The following NCOA3 variants were observed in gnomAD, a reference collection of about 807,000 sequenced individuals.
The protein encoded by NCOA3 is CBP-interacting protein.
Under a neutral mutation model 158.8 loss-of-function variants are expected in NCOA3, and 51 were observed. That is an observed-to-expected ratio of 0.32 (90% CI 0.26 to 0.41). The LOEUF (loss-of-function observed/expected upper bound fraction) is 0.41. NCOA3 is among the 10% of genes least tolerant of loss of function. The pLI is 1.00. For missense variants in NCOA3, 1,510 were observed against 1,746.6 expected (o/e 0.86, Z 2.41); for synonymous variants, 537 against 592.4 (o/e 0.91, Z 1.36).
intron 1 of NCOA3, among the ~76,000 whole-genome samples, chr20:47,570,183 G>C (rs2085269242): frequency 6.6e-6 from 1 of 152,156 alleles, no homozygotes; most frequent in Admixed American, 6.5e-5. Context: ...TTAAGGCTGG[G>C]TGTGGTGGCT....
Position 47,627,182 on chromosome 20 carries a change from C to T in NCOA3, c.532+6C>T, listed in dbSNP as rs1473125618. On this transcript the variant is annotated splice_donor_region_variant and intron_variant, in intron 6 of 22. Coordinates refer to ENST00000371998, the MANE Select transcript of NCOA3 (RefSeq NM_181659.3). ...GAATTTACCAAAATCTACAGGTAGGCTTTTAATGTGTATTTTCTAAATAGG... is the reference window on the plus strand; with the variant it reads ...GAATTTACCAAAATCTACAGGTAGGTTTTTAATGTGTATTTTCTAAATAGG... 8 of 1,575,318 alleles carry T rather than the reference C, an allele frequency of 5.1e-6. No homozygotes were observed. The highest frequency in any genetic ancestry group is 6.0e-6 in the Non-Finnish European group (7 of 1,160,448).
intron 18 of NCOA3, among the ~76,000 whole-genome samples, chr20:47,648,034 C>A (rs1016892163): frequency 1.6e-4 from 25 of 151,574 alleles, no homozygotes; most frequent in African/African-American, 5.8e-4. Flanking sequence ...CATGCCTCAG[C>A]CTCCCGAGTA....
In NCOA3 at chr20:47,642,249, G is replaced by T. The variant is rs1202029597; in HGVS notation, c.3117G>T (p.Gly1039=). The change falls in exon 17 of 23, where the codon GGG becomes GGT. Residue 1039 remains glycine, a synonymous_variant. Transcript: ENST00000371998. ...GGAATTCCCTGGATGATCTTGTTGG[G>T]CCACCTTCCAACCTGGAAGGCCAGA... is the stretch of plus-strand genomic sequence containing the variant. ...LLRNSLDDLV[G]PPSNLEGQSD... 1.2e-6 allele frequency: 2 copies of T among 1,605,986 alleles called. No individual in the cohort carries two copies. Among genetic ancestry groups the T allele is most frequent in the Non-Finnish European group, 8.5e-7 (1 of 1,177,346 alleles).
chr20:47,632,144 C>T (rs2086428651), intron 8 of NCOA3, among the ~76,000 whole-genome samples: 1 of 152,172 alleles, frequency 6.6e-6, no homozygotes, highest in Non-Finnish European at 1.5e-5. Context: ...TGATCCTCTC[C>T]TTAGGTTTGA....
Position 47,651,239 on chromosome 20 carries a change from A to G in NCOA3, c.3909A>G (p.Gln1303=), listed in dbSNP as rs372630973. The stretch of plus-strand genomic sequence containing the variant: ...TTTTGGCAGGACCCACAATGCCACA[A>G]GCTCCTCCGCAACAGTTTCCATATC... The part of the protein sequence containing the change: ...DGLLAGPTMP[Q]APPQQFPYQP... The change falls in exon 20 of 23, where the codon CAA becomes CAG. Residue 1303 remains glutamine, a synonymous_variant. Coordinates refer to ENST00000371998, the MANE Select transcript of NCOA3 (RefSeq NM_181659.3). The G allele has an allele frequency of 1.6e-5, 26 of 1,612,840 alleles. No homozygotes were observed. Among genetic ancestry groups the G allele is most frequent in the Non-Finnish European group, 2.0e-5 (24 of 1,178,992 alleles).
chr20:47,514,928 A>G lies in NCOA3; in HGVS notation c.-99+12909A>G, dbSNP rs188338641. 1.5e-3 allele frequency among the ~76,000 whole-genome samples: 224 copies of G among 150,710 alleles called. 2 individuals are homozygous for G. Among genetic ancestry groups the G allele is most frequent in the African/African-American group, 5.1e-3 (210 of 41,144 alleles). ...TTGAACTCGTGACTTTAGGTGATGC[A>G]CTTGCCTCAGCCTCCCAAAGTGCTG... On this transcript the variant is annotated intron_variant, in intron 1 of 22. Transcript: ENST00000371998.
chr20:47,584,471 T>G (rs989695305), intron 2 of NCOA3, among the ~76,000 whole-genome samples: 4 of 151,882 alleles, frequency 2.6e-5, no homozygotes, highest in Non-Finnish European at 5.9e-5. Context: ...AATACAAAAA[T>G]TAGCCGGGCA....
Position 47,651,113 on chromosome 20 carries a change from G to GCAA in NCOA3, c.3785_3786insACA (p.Gln1276dup). 2 of 1,592,636 alleles carry GCAA rather than the reference G, an allele frequency of 1.3e-6. No individual in the cohort carries two copies. The highest frequency in any genetic ancestry group is 2.2e-5 in the South Asian group (2 of 89,730). On this transcript the variant is annotated inframe_insertion, in exon 20 of 23. Transcript: ENST00000371998. ...AGCAACAGCAGCAGCAGCAGCAGCA[G>GCAA]CAGCAGCAACAGCAACAGCAACAGC...
chr20:47,617,664 C>T (rs1164731122), intron 2 of NCOA3, among the ~76,000 whole-genome samples: 2 of 152,020 alleles, frequency 1.3e-5, no homozygotes, highest in African/African-American at 2.4e-5. Context: ...GAAAACTGTA[C>T]CTGAAGGGTT....
At chr20:47,633,923 G>T (rs1746000813) in intron 9 of NCOA3, 125 bp from the exon 10 acceptor site, 2 of 1,245,996 alleles carry the variant, frequency 1.6e-6, no homozygotes, top group Non-Finnish European at 2.2e-6. Flanking sequence ...GATGATTTTG[G>T]TGCAGATCCA....
intron 2 of NCOA3, among the ~76,000 whole-genome samples, chr20:47,611,518 G>A (rs948282086): frequency 5.9e-5 from 9 of 152,114 alleles, no homozygotes; most frequent in African/African-American, 1.9e-4. Context: ...TCTCCTCCTC[G>A]GCCGGGCTCA....
intron 9 of NCOA3, among the ~76,000 whole-genome samples, 191 bp from the exon 10 acceptor site, chr20:47,633,857 C>G (rs1023983313): frequency 3.9e-5 from 6 of 152,082 alleles, no homozygotes; most frequent in African/African-American, 1.4e-4. Context: ...TGTAGTTGCT[C>G]TCTTGTTGGT....
chr20:47,647,914 G>GTTTTTTTT (rs1445300112), intron 18 of NCOA3, among the ~76,000 whole-genome samples: 1 of 126,050 alleles, frequency 7.9e-6, no homozygotes, highest in Non-Finnish European at 1.7e-5. Context: ...TGTTTGTTTT[G>GTTTTTTTT]TTTTGTTTTT....
intron 1 of NCOA3, among the ~76,000 whole-genome samples, chr20:47,529,257 G>T (rs969644473): frequency 1.3e-5 from 2 of 151,026 alleles, no homozygotes; most frequent in Admixed American, 6.6e-5. Context: ...CAAGTAGCTG[G>T]GATTGCAGGC....
chr20:47,620,281 T>TA (rs200963979), intron 2 of NCOA3, among the ~76,000 whole-genome samples: 1,834 of 152,246 alleles, frequency 0.012, 36 homozygotes, highest in African/African-American at 0.042. Flanking sequence ...GGCTTATTTT[T>TA]AAAAAAATTT....
At position 47,535,270 on chromosome 20, in the gene NCOA3, T is replaced by C. The variant is rs568680426; in HGVS notation, c.-99+33251T>C. Among the ~76,000 whole-genome samples, 22 of 152,306 alleles carry C rather than the reference T, an allele frequency of 1.4e-4. No homozygotes were observed. In the East Asian group the frequency reaches 3.9e-3, roughly 27 times the overall value. ...GACGGACAGGTCGTGAGGAGTGTTT[T>C]TGGGCTTTGACTCCATAGCAGCATC... is the stretch of plus-strand genomic sequence containing the variant. On this transcript the variant is annotated intron_variant, in intron 1 of 22. Coordinates refer to ENST00000371998, the MANE Select transcript of NCOA3 (RefSeq NM_181659.3).
chr20:47,515,556 G>A (rs756717579), intron 1 of NCOA3, among the ~76,000 whole-genome samples: 5 of 148,430 alleles, frequency 3.4e-5, no homozygotes, highest in Non-Finnish European at 7.4e-5. Context: ...GCATGATCTC[G>A]GCTCACTGCA....
chr20:47,619,329 G>A (rs1004509633), intron 2 of NCOA3, among the ~76,000 whole-genome samples: 1 of 152,062 alleles, frequency 6.6e-6, no homozygotes, highest in African/African-American at 2.4e-5. Context: ...TCTAGAATGT[G>A]GAATAAATTA....
At chr20:47,538,578 C>G (rs2084671755) in intron 1 of NCOA3, among the ~76,000 whole-genome samples, 1 of 151,982 alleles carries the variant, frequency 6.6e-6, no homozygotes, top group African/African-American at 2.4e-5. Context: ...ACACCTGTCA[C>G]CCAGGCTAGA....
Sources: gnomAD v4.1 joint callset for allele counts (sites outside exome capture counted in the v4.1 genomes callset) on GRCh38, gnomAD v4.1.1 for gene constraint, MANE v1.5 for transcripts, NCBI Gene and HGNC (gene_info 2026-07-23, HGNC 2026-07-21) for gene names.